KLF4: variants seen among roughly 807,000 people sequenced by gnomAD.
KLF4 encodes the protein Krueppel-like factor 4.
A neutral mutation model predicts 38.0 loss-of-function variants in KLF4; 14 were observed. That is an observed-to-expected ratio of 0.37 (90% CI 0.24 to 0.58). The LOEUF is 0.58. Ranked by LOEUF, KLF4 falls within the 20% of genes least tolerant of loss-of-function variation. KLF4 has a pLI of 0.76. For synonymous variants in KLF4, 398 were observed against 302.5 expected, an observed-to-expected ratio of 1.32 and a Z score of -3.28; for missense variants, 737 against 670.1, an observed-to-expected ratio of 1.10 and a Z score of -1.10.
Position 107,489,414 on chromosome 9 carries a change from T to C in KLF4, c.-242A>G, listed in dbSNP as rs1175841752. On this transcript the variant is annotated 5_prime_UTR_variant, in exon 1 of 5. Coordinates refer to ENST00000374672, the MANE Select transcript of KLF4 (RefSeq NM_004235.6). ...CAGCAAGGCGAGTAAGTAGGTCCGG[T>C]GGCCGGGCTGCGCTCTCTTCCACTC... is the stretch of plus-strand genomic sequence containing the variant. 1 of 446,052 alleles carries C rather than the reference T, an allele frequency of 2.2e-6. No homozygotes were observed. Among genetic ancestry groups the C allele is most frequent in the Non-Finnish European group, 3.9e-6 (1 of 259,064 alleles). 27.6% of individuals were successfully genotyped at this position (446,052 alleles called of 1,614,324 possible).
chr9:107,485,807 C>G lies in KLF4; in HGVS notation c.1384G>C (p.Asp462His). The G allele has an allele frequency of 6.2e-7, 1 of 1,608,202 alleles. No individual in the cohort carries two copies. Among genetic ancestry groups the G allele is most frequent in the South Asian group, 1.1e-5 (1 of 89,632 alleles). ...GHRPFQCQKCDRAFSRSDHLA... is the reference protein window; with the variant it reads ...GHRPFQCQKCHRAFSRSDHLA... ...TGGTCCGACCTGGAAAATGCTCGGT[C>G]GCATTTTTGGCACTGGAACGGGCGG... The change falls in exon 5 of 5, where the codon GAC becomes CAC. Residue 462 changes from aspartate to histidine, a missense_variant. Transcript: ENST00000374672. This position sits in a 1 kb window ranked among gnomAD's most constrained non-coding sequence, Gnocchi z 4.9.
chr9:107,487,257 G>T lies in KLF4; in HGVS notation c.1099+38C>A. Reference sequence around the variant, plus strand: ...TCCCGAAGTGGGGCCAGCACACACAGGGCTCCCCAGCCCGAGCTACAAATC... The same window carrying T: ...TCCCGAAGTGGGGCCAGCACACACATGGCTCCCCAGCCCGAGCTACAAATC... On this transcript the variant is annotated intron_variant, in intron 3 of 4. Transcript: ENST00000374672. The surrounding 1 kb of genome is among the most constrained non-coding windows in gnomAD (Gnocchi z 6.1). The T allele has an allele frequency of 6.2e-7, 1 of 1,600,166 alleles. No homozygotes were observed. Among genetic ancestry groups the T allele is most frequent in the Non-Finnish European group, 8.5e-7 (1 of 1,172,512 alleles).
Position 107,484,910 on chromosome 9 carries a change from T to C in KLF4, c.*841A>G, listed in dbSNP as rs1281000884. ...TAATTCTCACCTTGAGTATGCAAAA[T>C]ACAAACTCCACAAAATGTTCATTTT... On this transcript the variant is annotated 3_prime_UTR_variant, in exon 5 of 5. Coordinates refer to ENST00000374672, the MANE Select transcript of KLF4 (RefSeq NM_004235.6). 5.2e-6 allele frequency: 1 copy of C among 190,676 alleles called. No individual in the cohort carries two copies. The highest frequency in any genetic ancestry group is 1.1e-5 in the Non-Finnish European group (1 of 90,720). The allele number at this position is 190,676 out of a possible 1,614,324, so 11.8% of individuals were successfully genotyped here.
rs1449118784 is a variant in KLF4 at position 107,488,107 on chromosome 9, G to T, written c.287C>A (p.Thr96Asn). 2 of 1,612,984 alleles carry T rather than the reference G, an allele frequency of 1.2e-6. No individual in the cohort carries two copies. Among genetic ancestry groups the T allele is most frequent in the East Asian group, 4.5e-5 (2 of 44,852 alleles). ...SNLAPLPRRE[T>N]EEFNDLLDLD... The stretch of plus-strand genomic sequence containing the variant: ...GTCCAGGAGATCGTTGAACTCCTCG[G>T]TCTCTCTCCGAGGTAGGGGCGCCAG... Residue 96 changes from threonine (T) to asparagine (N), a missense_variant, in exon 3 of 5, where the codon ACC becomes AAC. By Grantham distance (65) the Thr-to-Asn change is moderately conservative. This residue lies in a region of KLF4 where 695 missense variants were observed against 554.5 expected (regional missense o/e 1.25). Transcript: ENST00000374672. The surrounding 1 kb of genome is among the most constrained non-coding windows in gnomAD (Gnocchi z 5.7).
intron 4 of KLF4, 140 bp downstream of exon 4, chr9:107,486,885 CAAG>C (rs1405515948): frequency 1.3e-5 from 20 of 1,520,362 alleles, no homozygotes; most frequent in Middle Eastern, 1.9e-4. Flanking sequence ...CCTGGGAAGC[CAAG>C]GAGGCACTGA....
At chr9:107,486,291 C>G (rs1002159049) in intron 4 of KLF4, among the ~76,000 whole-genome samples, 11 of 152,042 alleles carry the variant, frequency 7.2e-5, no homozygotes, top group South Asian at 4.1e-4. Flanking sequence ...GTGCCCAAAC[C>G]ATGCAATCTT....
At position 107,485,941 on chromosome 9, in the gene KLF4, GA is replaced by G. The variant is rs45511095; in HGVS notation, c.1265-16del. 343 of 1,524,202 alleles carry G rather than the reference GA, an allele frequency of 2.3e-4. No homozygotes were observed. Among genetic ancestry groups the G allele is most frequent in the Admixed American group, 7.7e-4 (37 of 47,830 alleles). The allele number at this position is 1,524,202 out of a possible 1,614,324, so 94.4% of individuals were successfully genotyped here. ...AGGTTTCTCACCTGTAAAGGTAAAA[GA>G]AAAAAAAAATTGACGCTATTGCTAT... On this transcript the variant is annotated splice_polypyrimidine_tract_variant and intron_variant, in intron 4 of 4. Transcript: ENST00000374672. The surrounding 1 kb of genome is among the most constrained non-coding windows in gnomAD (Gnocchi z 4.9).
rs1829134607 is a variant in KLF4 at position 107,488,661 on chromosome 9, G to C, written c.126+269C>G. Among the ~76,000 whole-genome samples, 1 of 152,182 alleles carries C rather than the reference G, an allele frequency of 6.6e-6. No homozygotes were observed. Among genetic ancestry groups the C allele is most frequent in the Non-Finnish European group, 1.5e-5 (1 of 68,026 alleles). On this transcript the variant is annotated intron_variant, in intron 2 of 4. Transcript: ENST00000374672. The surrounding 1 kb of genome is among the most constrained non-coding windows in gnomAD (Gnocchi z 5.7). ...TGGGGACGCGGCCACCTCCCGCCCG[G>C]TGGCCCGAGAGCGCCCGCCCTACCG...
At position 107,485,478 on chromosome 9, in the gene KLF4, C is replaced by A; in HGVS notation, c.*273G>T. 1 of 373,420 alleles carries A rather than the reference C, an allele frequency of 2.7e-6. No individual in the cohort carries two copies. The highest frequency in any genetic ancestry group is 4.8e-5 in the Admixed American group (1 of 20,914). 23.1% of individuals were successfully genotyped at this position (373,420 alleles called of 1,614,324 possible). A position where few individuals can be genotyped will look rare whatever the true frequency, so the allele number is the denominator to read the frequency against. Reference sequence around the variant, plus strand: ...CTGATATCCACAACTTCCAGTCACCCCCTTGGCATTTTGTAAGTCCAGGAA... The same window carrying A: ...CTGATATCCACAACTTCCAGTCACCACCTTGGCATTTTGTAAGTCCAGGAA... On this transcript the variant is annotated 3_prime_UTR_variant, in exon 5 of 5. Transcript: ENST00000374672. This position sits in a 1 kb window ranked among gnomAD's most constrained non-coding sequence, Gnocchi z 4.9.
chr9:107,488,383 G>A lies in KLF4; in HGVS notation c.127-116C>T. The A allele has an allele frequency of 3.5e-6, 5 of 1,433,822 alleles. No homozygotes were observed. The highest frequency in any genetic ancestry group is 3.0e-5 in the South Asian group (2 of 67,192). 88.8% of individuals were successfully genotyped at this position (1,433,822 alleles called of 1,614,324 possible). A position where few individuals can be genotyped will look rare whatever the true frequency, so the allele number is the denominator to read the frequency against. ...CCGCCCAGACATGGGGACTGGTCAG[G>A]CAGGAAGCACCCGGGAACCCAGGGC... On this transcript the variant is annotated intron_variant, in intron 2 of 4. Transcript: ENST00000374672. The surrounding 1 kb of genome is among the most constrained non-coding windows in gnomAD (Gnocchi z 5.7).
At position 107,487,624 on chromosome 9, in the gene KLF4, C is replaced by A. The variant is rs1232656570; in HGVS notation, c.770G>T (p.Gly257Val). ...VISVSKGSPD[G>V]SHPVVVAPYN... Reference sequence around the variant, plus strand: ...GGGCGCCACCACCACCGGGTGGCTGCCGTCAGGGCTGCCTTTGCTGACGCT... The same window carrying A: ...GGGCGCCACCACCACCGGGTGGCTGACGTCAGGGCTGCCTTTGCTGACGCT... The change falls in exon 3 of 5, where the codon GGC becomes GTC. Residue 257 changes from glycine (G) to valine (V), a missense_variant. Physicochemically the swap from Gly to Val is moderately radical, Grantham distance 109 (BLOSUM62 -3). Coordinates refer to ENST00000374672, the MANE Select transcript of KLF4 (RefSeq NM_004235.6). The surrounding 1 kb of genome is among the most constrained non-coding windows in gnomAD (Gnocchi z 6.1). The A allele has an allele frequency of 3.7e-6, 6 of 1,601,922 alleles. No individual in the cohort carries two copies. Among genetic ancestry groups the A allele is most frequent in the Non-Finnish European group, 5.1e-6 (6 of 1,178,126 alleles).
rs777785846 is a variant in KLF4, at chr9:107,488,300, G to A, written c.127-33C>T. On this transcript the variant is annotated intron_variant, in intron 2 of 4. Transcript: ENST00000374672. This position sits in a 1 kb window ranked among gnomAD's most constrained non-coding sequence, Gnocchi z 5.7. ...GACAGGGCGGGAGAGACCTGTCAGT[G>A]GTGGTCCCCTGTTGCCACCCGACAT... 1.9e-6 allele frequency: 3 copies of A among 1,541,750 alleles called. No individual in the cohort carries two copies. The highest frequency in any genetic ancestry group is 1.4e-5 in the African/African-American group (1 of 73,212).
Position 107,485,736 on chromosome 9 carries a change from TC to T in KLF4, c.*14del. The T allele has an allele frequency of 6.4e-7, 1 of 1,565,090 alleles. No homozygotes were observed. Among genetic ancestry groups the T allele is most frequent in the Non-Finnish European group, 8.6e-7 (1 of 1,158,912 alleles). ...TTCTCTTCTGGCAGTGTGGGTCATA[TC>T]CACTGTCTGGGATTTAAAAATGCCT... On this transcript the variant is annotated 3_prime_UTR_variant, in exon 5 of 5. Coordinates refer to ENST00000374672, the MANE Select transcript of KLF4 (RefSeq NM_004235.6). This position sits in a 1 kb window ranked among gnomAD's most constrained non-coding sequence, Gnocchi z 4.9.
At chr9:107,486,619 T>C (rs1033580570) in intron 4 of KLF4, among the ~76,000 whole-genome samples, 1 of 152,022 alleles carries the variant, frequency 6.6e-6, no homozygotes, top group African/African-American at 2.4e-5. Flanking sequence ...AGGGTGAACC[T>C]GGGAAGGGAA....
rs1442165805 is a variant in KLF4 at position 107,489,339 on chromosome 9, C to T, written c.-167G>A. 1.0e-5 allele frequency: 10 copies of T among 957,106 alleles called. No homozygotes were observed. The Admixed American group carries it at 2.5e-4, about 24-fold the overall frequency. 59.3% of individuals were successfully genotyped at this position (957,106 alleles called of 1,614,324 possible). A position where few individuals can be genotyped will look rare whatever the true frequency, so the allele number is the denominator to read the frequency against. ...TGGAAGCGTCTTTTTTAAAAAGTTC[C>T]TTTGTATACAAAAGTTCTTAGAAAA... On this transcript the variant is annotated 5_prime_UTR_variant, in exon 1 of 5. Coordinates refer to ENST00000374672, the MANE Select transcript of KLF4 (RefSeq NM_004235.6).
chr9:107,486,949 G>A, intron 4 of KLF4, 79 bp downstream of exon 4: 2 of 1,607,416 alleles, frequency 1.2e-6, no homozygotes, highest in Non-Finnish European at 1.7e-6. Context: ...GGGAAGTCAA[G>A]GAGGCACTGA....
rs528139609 is a variant in KLF4 at position 107,488,762 on chromosome 9, A to C, written c.126+168T>G. On this transcript the variant is annotated intron_variant, in intron 2 of 4. Transcript: ENST00000374672. The surrounding 1 kb of genome is among the most constrained non-coding windows in gnomAD (Gnocchi z 5.7). ...CGCAGTGCTCGCACCACGGGCATAC[A>C]CAGCTGAGCCAAGGACACGGAAGCT... Among the ~76,000 whole-genome samples, 1 of 152,230 alleles carries C rather than the reference A, an allele frequency of 6.6e-6. No homozygotes were observed. Among genetic ancestry groups the C allele is most frequent in the Non-Finnish European group, 1.5e-5 (1 of 68,008 alleles).
At position 107,487,583 on chromosome 9, in the gene KLF4, G is replaced by A; in HGVS notation, c.811C>T (p.Pro271Ser). 1 of 1,578,294 alleles carries A rather than the reference G, an allele frequency of 6.3e-7. No homozygotes were observed. The highest frequency in any genetic ancestry group is 1.1e-5 in the South Asian group (1 of 87,812). Reference protein sequence around the residue: ...VVVAPYNGGPPRTCPKIKQEA... With the variant: ...VVVAPYNGGPSRTCPKIKQEA... ...TGCTTGATCTTGGGGCACGTGCGCG[G>A]CGGCCCGCCGTTGTAGGGCGCCACC... is the stretch of plus-strand genomic sequence containing the variant. Residue 271 changes from proline to serine, a missense_variant, in exon 3 of 5, where the codon CCG (proline) becomes TCG (serine). Pro to Ser is a moderately conservative substitution (Grantham distance 74). Around this residue, in one of 2 missense-constraint regions of KLF4, gnomAD observed 695 missense variants for 554.5 expected, o/e 1.25. Coordinates refer to ENST00000374672, the MANE Select transcript of KLF4 (RefSeq NM_004235.6). The surrounding 1 kb of genome is among the most constrained non-coding windows in gnomAD (Gnocchi z 6.1).
In KLF4 at chr9:107,489,445, C is replaced by T. The variant is rs1829153878; in HGVS notation, c.-273G>A. On this transcript the variant is annotated 5_prime_UTR_variant, in exon 1 of 5. Coordinates refer to ENST00000374672, the MANE Select transcript of KLF4 (RefSeq NM_004235.6). ...GGCTGCGCTCTCTTCCACTCAGCAG[C>T]GTCCCCCACCACTGTCGCGGTCGCC... is the stretch of plus-strand genomic sequence containing the variant. 1 of 390,734 alleles carries T rather than the reference C, an allele frequency of 2.6e-6. No homozygotes were observed. Among genetic ancestry groups the T allele is most frequent in the Non-Finnish European group, 4.5e-6 (1 of 221,698 alleles). The allele number at this position is 390,734 out of a possible 1,614,324, so 24.2% of individuals were successfully genotyped here. A position where few individuals can be genotyped will look rare whatever the true frequency, so the allele number is the denominator to read the frequency against.
Sources: allele counts gnomAD v4.1 joint callset (sites outside exome capture counted in the v4.1 genomes callset), GRCh38; gene constraint gnomAD v4.1.1; regional missense constraint gnomAD v4.1.1; non-coding constraint Gnocchi (gnomAD v3.1); transcripts MANE v1.5; gene names NCBI Gene and HGNC (gene_info 2026-07-23, HGNC 2026-07-21).